CSMD2: variants seen among roughly 807,000 people sequenced by gnomAD.
The protein encoded by CSMD2 is CUB and sushi domain-containing protein 2.
CSMD2 carries 130 observed loss-of-function variants against 398.5 expected under a neutral mutation model. That is an observed-to-expected ratio of 0.33 (90% CI 0.28 to 0.38). CSMD2 has a LOEUF of 0.38. Among genes scored for constraint, CSMD2 ranks in the 10% least tolerant of loss-of-function variants. CSMD2 has a pLI of 1.00. For missense variants in CSMD2, 3,829 were observed against 4,764.9 expected (o/e 0.80, Z 5.78); for synonymous variants, 1,828 against 1,908.5 (o/e 0.96, Z 1.10).
intron 55 of CSMD2, among the ~76,000 whole-genome samples, chr1:33,555,152 G>C (rs1657840962): frequency 6.6e-6 from 1 of 152,156 alleles, no homozygotes; most frequent in Admixed American, 6.5e-5. Context: ...ACAGGAGTTT[G>C]GAAAAAGCTG....
At chr1:34,017,519 G>A (rs1648293077) in intron 3 of CSMD2, among the ~76,000 whole-genome samples, 1 of 152,200 alleles carries the variant, frequency 6.6e-6, no homozygotes, top group Non-Finnish European at 1.5e-5. Flanking sequence ...CATTTTGGGA[G>A]GCTGAGATGG....
intron 25 of CSMD2, among the ~76,000 whole-genome samples, chr1:33,685,193 G>A (rs1316739639): frequency 3.3e-5 from 5 of 152,190 alleles, no homozygotes; most frequent in Non-Finnish European, 7.3e-5. Flanking sequence ...AGGTAGCCAC[G>A]AGGATGAAAG....
At chr1:34,000,405 A>C (rs192468014) in intron 3 of CSMD2, among the ~76,000 whole-genome samples, 23 of 152,268 alleles carry the variant, frequency 1.5e-4, no homozygotes, top group Admixed American at 1.4e-3. Context: ...TGGACAAATG[A>C]GACATCCATC....
chr1:33,544,618 G>T (rs1184861585), intron 57 of CSMD2, among the ~76,000 whole-genome samples: 2 of 152,010 alleles, frequency 1.3e-5, no homozygotes, highest in Non-Finnish European at 1.5e-5. Flanking sequence ...GGGATCACGT[G>T]GAGGTAGAGA....
At chr1:34,053,177 ATTACT>A (rs1305147700) in intron 2 of CSMD2, among the ~76,000 whole-genome samples, 1 of 152,024 alleles carries the variant, frequency 6.6e-6, no homozygotes, top group African/African-American at 2.4e-5. Context: ...ATCATCTCTC[ATTACT>A]TTATTTTTTA....
chr1:33,525,026 C>G lies in CSMD2; in HGVS notation c.10252G>C (p.Ala3418Pro). The G allele has an allele frequency of 6.2e-7, 1 of 1,614,096 alleles. No homozygotes were observed. The highest frequency in any genetic ancestry group is 8.5e-7 in the Non-Finnish European group (1 of 1,179,998). The stretch of plus-strand genomic sequence containing the variant: ...GCCCCTTTCCACAGGGAATTCTTGG[C>G]AAAAACATCCCCAGGAACTAGAGGA... Reference protein sequence around the residue: ...TQALIPGDVFAKNSLWKGAYE... With the variant: ...TQALIPGDVFPKNSLWKGAYE... The change falls in exon 66 of 71, where the codon GCC becomes CCC. Residue 3418 changes from alanine (A) to proline (P), a missense_variant. Ala to Pro is a conservative substitution (Grantham distance 27, BLOSUM62 -1). Transcript: ENST00000373381.
chr1:33,846,304 T>G lies in CSMD2; in HGVS notation c.1033+580A>C, dbSNP rs142712469. 5.4e-3 allele frequency among the ~76,000 whole-genome samples: 829 copies of G among 152,338 alleles called. 8 individuals are homozygous for G. Among genetic ancestry groups the G allele is most frequent in the African/African-American group, 0.019 (779 of 41,578 alleles). ...GGTCTGATCTGTTGCCACTAGACAGTTCTTCACAGATTTGAGCATCAAAGC... is the reference window on the plus strand; with the variant it reads ...GGTCTGATCTGTTGCCACTAGACAGGTCTTCACAGATTTGAGCATCAAAGC... On this transcript the variant is annotated intron_variant, in intron 6 of 70. Transcript: ENST00000373381.
At chr1:34,008,965 C>A (rs1474508713) in intron 3 of CSMD2, among the ~76,000 whole-genome samples, 3 of 152,020 alleles carry the variant, frequency 2.0e-5, no homozygotes, top group African/African-American at 7.3e-5. Context: ...GTGTGAGCTC[C>A]CCAGCTTTCT....
At chr1:33,795,203 G>A (rs79456378) in intron 10 of CSMD2, among the ~76,000 whole-genome samples, 6,849 of 152,120 alleles carry the variant, frequency 0.045, 539 homozygotes, top group African/African-American at 0.16. Context: ...TAGGTGAGGC[G>A]GGGTGTGAGC....
chr1:34,129,600 C>T (rs886320469), intron 1 of CSMD2, among the ~76,000 whole-genome samples: 1 of 152,072 alleles, frequency 6.6e-6, no homozygotes. Context: ...TGCAGTGAGC[C>T]GAGATTGCGC....
At chr1:34,116,402 G>A (rs1486877081) in intron 1 of CSMD2, among the ~76,000 whole-genome samples, 4 of 151,820 alleles carry the variant, frequency 2.6e-5, no homozygotes, top group Non-Finnish European at 4.4e-5. Context: ...AGACAAAGAA[G>A]ACATTGTATA....
intron 1 of CSMD2, among the ~76,000 whole-genome samples, chr1:34,123,156 G>A (rs1283918238): frequency 6.6e-6 from 1 of 152,214 alleles, no homozygotes; most frequent in Non-Finnish European, 1.5e-5. Flanking sequence ...GAATAAGGCA[G>A]GATTAGAGGG....
At chr1:34,162,016 T>C (rs1374216498) in intron 1 of CSMD2, among the ~76,000 whole-genome samples, 2 of 151,470 alleles carry the variant, frequency 1.3e-5, no homozygotes, top group African/African-American at 4.9e-5. Context: ...CTATTAAAAA[T>C]ACAAAATTAG....
intron 5 of CSMD2, among the ~76,000 whole-genome samples, chr1:33,902,495 T>C (rs1570448613): frequency 6.6e-6 from 1 of 152,200 alleles, no homozygotes; most frequent in South Asian, 2.1e-4. Context: ...AAATCACCGA[T>C]GCCTGGGTCC....
At chr1:33,522,512 G>A (rs1654405938) in intron 67 of CSMD2, among the ~76,000 whole-genome samples, 2 of 152,186 alleles carry the variant, frequency 1.3e-5, no homozygotes, top group Admixed American at 6.5e-5. Context: ...GGAACTACCT[G>A]TATGTGCCAG....
At chr1:33,606,975 G>T (rs569328533) in intron 41 of CSMD2, among the ~76,000 whole-genome samples, 1 of 152,330 alleles carries the variant, frequency 6.6e-6, no homozygotes, top group East Asian at 1.9e-4. Flanking sequence ...GGACTCCTCA[G>T]GAAAGCAAGT....
chr1:33,751,694 T>A (rs1442506687), intron 13 of CSMD2, among the ~76,000 whole-genome samples: 1 of 152,184 alleles, frequency 6.6e-6, no homozygotes, highest in African/African-American at 2.4e-5. Flanking sequence ...CAATCTTGGC[T>A]CACCGTAACC....
chr1:33,599,417 CT>C (rs1433068560), intron 44 of CSMD2: 5 of 152,200 alleles, frequency 3.3e-5, no homozygotes, highest in Non-Finnish European at 7.3e-5. Context: ...TATTGATCAC[CT>C]TTTATACTCT....
rs527873117 is a variant in CSMD2, at chr1:33,902,316, C to T, written c.920+15778G>A. On this transcript the variant is annotated intron_variant, in intron 5 of 70. Coordinates refer to ENST00000373381, the MANE Select transcript of CSMD2 (RefSeq NM_001281956.2). Reference sequence around the variant, plus strand: ...TCTTCTTCCCTTACCCTGCCTGACACAACATAGAGAGATGTCCCTCTATTT... The same window carrying T: ...TCTTCTTCCCTTACCCTGCCTGACATAACATAGAGAGATGTCCCTCTATTT... 6.6e-5 allele frequency among the ~76,000 whole-genome samples: 10 copies of T among 152,282 alleles called. No individual in the cohort carries two copies. The South Asian group carries it at 1.9e-3, about 28-fold the overall frequency.
Sources: gnomAD v4.1 joint callset for allele counts (sites outside exome capture counted in the v4.1 genomes callset) on GRCh38, gnomAD v4.1.1 for gene constraint, MANE v1.5 for transcripts, NCBI Gene and HGNC (gene_info 2026-07-23, HGNC 2026-07-21) for gene names.